Variants in DDR2 observed in about 807,000 individuals in gnomAD.
DDR2 encodes discoidin domain receptor tyrosine kinase 2.
A neutral mutation model predicts 94.9 loss-of-function variants in DDR2; 27 were observed. The ratio of observed to expected loss-of-function variants is 0.28; its 90% confidence interval spans 0.21 to 0.39. The LOEUF (loss-of-function observed/expected upper bound fraction) is 0.39. Ranked by LOEUF, DDR2 falls within the 10% of genes least tolerant of loss-of-function variation. The probability of loss-of-function intolerance (pLI) is 1.00; values close to 1 mark genes in which losing one functional copy is unlikely to be tolerated. For synonymous variants in DDR2, 382 were observed against 377.2 expected, an observed-to-expected ratio of 1.01 and a Z score of -0.15; for missense variants, 783 against 1,076.0, an observed-to-expected ratio of 0.73 and a Z score of 3.81.
chr1:162,778,452 C>T (rs1647711396), intron 16 of DDR2, 128 bp from the exon 17 acceptor site: 5 of 1,134,966 alleles, frequency 4.4e-6, no homozygotes, highest in African/African-American at 1.5e-5. Context: ...ACTCCATGCA[C>T]ATCTTGGCAT....
chr1:162,692,424 C>T (rs757329786), intron 2 of DDR2, among the ~76,000 whole-genome samples: 8 of 152,056 alleles, frequency 5.3e-5, no homozygotes, highest in East Asian at 1.9e-4. Context: ...TATGACCAAT[C>T]GAGGATTTGT....
chr1:162,773,560 T>C lies in DDR2; in HGVS notation c.1820T>C (p.Val607Ala). The change falls in exon 14 of 18, where the codon GTG becomes GCG. Residue 607 changes from valine (V) to alanine (A), a missense_variant. By Grantham distance (64) the Val-to-Ala change is moderately conservative. This residue lies in a region of DDR2 where 264 missense variants were observed against 428.2 expected (regional missense o/e 0.62). Coordinates refer to ENST00000367921, the MANE Select transcript of DDR2 (RefSeq NM_006182.4). ...GCCAACCAGCCTGTCCTGGTGGCTG[T>C]GAAAATGCTCCGAGCAGATGCCAAC... ...VSANQPVLVA[V>A]KMLRADANKN... is the part of the protein sequence containing the mutation. The C allele has an allele frequency of 1.9e-6, 3 of 1,614,080 alleles. No individual in the cohort carries two copies. Among genetic ancestry groups the C allele is most frequent in the Non-Finnish European group, 2.5e-6 (3 of 1,179,936 alleles).
Position 162,780,455 on chromosome 1 carries a change from G to GAA in DDR2, c.*218_*219dup. 3 of 480,280 alleles carry GAA rather than the reference G, an allele frequency of 6.2e-6. No individual in the cohort carries two copies. The highest frequency in any genetic ancestry group is 6.8e-6 in the Non-Finnish European group (2 of 294,464). The allele number at this position is 480,280 out of a possible 1,614,324, so 29.8% of individuals were successfully genotyped here. ...TTTTTACATTAAAGAACTAAAAAAG[G>GAA]AAAAAAAAAAGCCTAGGGCAGATAC... On this transcript the variant is annotated 3_prime_UTR_variant, in exon 18 of 18. Coordinates refer to ENST00000367921, the MANE Select transcript of DDR2 (RefSeq NM_006182.4).
At chr1:162,758,558 T>G (rs372995099) in intron 7 of DDR2, among the ~76,000 whole-genome samples, 2 of 152,272 alleles carry the variant, frequency 1.3e-5, no homozygotes, top group African/African-American at 4.8e-5. Flanking sequence ...GCAAGTAAAC[T>G]TACGTTCTCC....
intron 2 of DDR2, among the ~76,000 whole-genome samples, chr1:162,665,545 C>G (rs1388449215): frequency 7.1e-6 from 1 of 141,336 alleles, no homozygotes; most frequent in African/African-American, 2.6e-5. Context: ...TTCTGATTAA[C>G]AGGGACTTGC....
chr1:162,769,069 T>C (rs527346421), intron 11 of DDR2, among the ~76,000 whole-genome samples: 11 of 152,252 alleles, frequency 7.2e-5, no homozygotes, highest in African/African-American at 1.2e-4. Context: ...CTCTGCTATA[T>C]GAGCTCTTTT....
At chr1:162,752,218 T>G (rs1663248195) in intron 3 of DDR2, among the ~76,000 whole-genome samples, 1 of 152,348 alleles carries the variant, frequency 6.6e-6, no homozygotes, top group Admixed American at 6.5e-5. Flanking sequence ...GTATACTCTA[T>G]TTTATCTGGC....
chr1:162,670,516 G>A (rs1339957881), intron 2 of DDR2, among the ~76,000 whole-genome samples: 1 of 152,162 alleles, frequency 6.6e-6, no homozygotes, highest in Non-Finnish European at 1.5e-5. Context: ...TCGGTCTACA[G>A]AACTTCTTCA....
intron 1 of DDR2, among the ~76,000 whole-genome samples, chr1:162,650,281 C>T (rs1179463339): frequency 1.4e-4 from 7 of 48,796 alleles, no homozygotes; most frequent in African/African-American, 2.0e-4. Context: ...CCAATTCCTC[C>T]TCCACGTTAA....
intron 3 of DDR2, among the ~76,000 whole-genome samples, chr1:162,743,181 C>T (rs1229247805): frequency 6.6e-6 from 1 of 152,000 alleles, no homozygotes; most frequent in Non-Finnish European, 1.5e-5. Context: ...AGCTATCTTT[C>T]CCTTTTTTAG....
chr1:162,759,775 C>G lies in DDR2; in HGVS notation c.672-21C>G. On this transcript the variant is annotated intron_variant, in intron 7 of 17. Coordinates refer to ENST00000367921, the MANE Select transcript of DDR2 (RefSeq NM_006182.4). ...CTCAGATTTCTCTCTCCTTTTCCTC[C>G]TCTTCTCCTGGCCTGAGCAGCATGA... The G allele has an allele frequency of 1.9e-6, 3 of 1,613,366 alleles. No individual in the cohort carries two copies. In the African/African-American group the frequency reaches 4.0e-5, roughly 22 times the overall value.
chr1:162,765,707 T>C (rs917328365), intron 9 of DDR2, among the ~76,000 whole-genome samples: 1 of 150,868 alleles, frequency 6.6e-6, no homozygotes, highest in African/African-American at 2.4e-5. Context: ...CTGCTTCTTA[T>C]GCTTTATGAC....
chr1:162,651,229 C>A (rs1488233248), intron 1 of DDR2, among the ~76,000 whole-genome samples: 2 of 152,196 alleles, frequency 1.3e-5, no homozygotes, highest in Non-Finnish European at 2.9e-5. Context: ...TCACTCCTTG[C>A]TGGCATTTGG....
intron 1 of DDR2, among the ~76,000 whole-genome samples, chr1:162,648,215 GT>G (rs1657509716): frequency 6.6e-6 from 1 of 152,124 alleles, no homozygotes; most frequent in African/African-American, 2.4e-5. Context: ...AAATGTAAGA[GT>G]GCATGGAAGG....
At chr1:162,767,561 T>A (rs1397624848) in intron 11 of DDR2, among the ~76,000 whole-genome samples, 1 of 152,186 alleles carries the variant, frequency 6.6e-6, no homozygotes, top group Non-Finnish European at 1.5e-5. Context: ...GTTGGAACCT[T>A]CCTAACGTTC....
At chr1:162,720,266 A>G (rs1408637787) in intron 3 of DDR2, among the ~76,000 whole-genome samples, 1 of 152,154 alleles carries the variant, frequency 6.6e-6, no homozygotes, top group East Asian at 1.9e-4. Context: ...AAGAAACAGA[A>G]CTATACCAGC....
intron 14 of DDR2, among the ~76,000 whole-genome samples, chr1:162,775,295 A>G (rs1409421248): frequency 6.6e-6 from 1 of 151,552 alleles, no homozygotes; most frequent in Admixed American, 6.6e-5. Flanking sequence ...CACTTAAGAT[A>G]TGATTTTCAG....
At chr1:162,663,701 C>T (rs186191983) in intron 2 of DDR2, among the ~76,000 whole-genome samples, 1 of 152,168 alleles carries the variant, frequency 6.6e-6, no homozygotes, top group East Asian at 1.9e-4. Flanking sequence ...GACTTGACTA[C>T]ACAAGAGGCT....
intron 2 of DDR2, among the ~76,000 whole-genome samples, chr1:162,677,886 C>T (rs1659215148): frequency 6.6e-6 from 1 of 152,222 alleles, no homozygotes; most frequent in African/African-American, 2.4e-5. Context: ...TCTATACTGC[C>T]TCTCCCATTT....
Sources: gnomAD v4.1 joint callset for allele counts (sites outside exome capture counted in the v4.1 genomes callset) on GRCh38, gnomAD v4.1.1 for gene constraint, gnomAD v4.1.1 regional missense constraint, MANE v1.5 for transcripts, NCBI Gene and HGNC (gene_info 2026-07-23, HGNC 2026-07-21) for gene names.